The following SLAMF1 variants were observed in gnomAD, a reference collection of about 807,000 sequenced individuals.
SLAMF1 encodes the protein signaling lymphocytic activation molecule.
Under a neutral mutation model 35.1 loss-of-function variants are expected in SLAMF1, and 18 were observed. The ratio of observed to expected loss-of-function variants is 0.51; its 90% CI spans 0.35 to 0.76. SLAMF1 has a LOEUF of 0.76. SLAMF1 is among the 30% of genes least tolerant of loss of function. The probability of loss-of-function intolerance (pLI) is 0.01; values close to 1 mark genes in which losing one functional copy is unlikely to be tolerated. For missense variants in SLAMF1, 392 were observed against 413.0 expected (o/e 0.95, Z 0.44); for synonymous variants, 168 against 157.2 (o/e 1.07, Z -0.51).
chr1:160,611,052 G>C (rs1658956188), intron 6 of SLAMF1, among the ~76,000 whole-genome samples: 4 of 152,228 alleles, frequency 2.6e-5, no homozygotes, highest in African/African-American at 9.6e-5. Context: ...CCAGCACTCA[G>C]TGCCCTGTCT....
intron 1 of SLAMF1, among the ~76,000 whole-genome samples, chr1:160,644,895 C>A (rs1382892125): frequency 6.6e-6 from 1 of 152,020 alleles, no homozygotes; most frequent in Non-Finnish European, 1.5e-5. Context: ...TGCAGAGGAA[C>A]TGCATGGAGG....
At chr1:160,614,619 A>G (rs187508049) in intron 5 of SLAMF1, among the ~76,000 whole-genome samples, 88 of 151,862 alleles carry the variant, frequency 5.8e-4, no homozygotes, top group African/African-American at 2.0e-3. Context: ...AACAGATGCA[A>G]CCTCTGCTGG....
chr1:160,631,209 C>G (rs777437645), intron 3 of SLAMF1, among the ~76,000 whole-genome samples: 1 of 152,214 alleles, frequency 6.6e-6, no homozygotes, highest in Non-Finnish European at 1.5e-5. Flanking sequence ...GGTACTGATA[C>G]AATTCTGTTT....
chr1:160,638,964 C>T (rs1660602820), intron 1 of SLAMF1, among the ~76,000 whole-genome samples: 2 of 152,110 alleles, frequency 1.3e-5, no homozygotes, highest in South Asian at 2.1e-4. Context: ...CATTCTCATC[C>T]ACACTCATCC....
chr1:160,613,141 C>T (rs987655632), intron 5 of SLAMF1, among the ~76,000 whole-genome samples: 4 of 152,162 alleles, frequency 2.6e-5, no homozygotes, highest in African/African-American at 4.8e-5. Context: ...GTGTCAAAGC[C>T]GGGAGTCCCC....
In SLAMF1 at chr1:160,624,132, G is replaced by T; in HGVS notation, c.754C>A (p.Leu252Ile). The change falls in exon 4 of 7, where the codon CTC becomes ATC. Residue 252 changes from leucine (L) to isoleucine (I), a missense_variant. Physicochemically the swap from Leu to Ile is conservative, Grantham distance 5. Coordinates refer to ENST00000302035, the MANE Select transcript of SLAMF1 (RefSeq NM_003037.5). ...AACTGTAGTATTACCACCATGATGA[G>T]AATCATGATGACACCCCCTAACAGC... ...AGLLGGVIMI[L>I]IMVVILQLRR... 1 of 1,609,284 alleles carries T rather than the reference G, an allele frequency of 6.2e-7. No homozygotes were observed. The highest frequency in any genetic ancestry group is 8.5e-7 in the Non-Finnish European group (1 of 1,177,636).
intron 3 of SLAMF1, among the ~76,000 whole-genome samples, chr1:160,627,070 T>A (rs1253984509): frequency 6.6e-6 from 1 of 152,232 alleles, no homozygotes; most frequent in Non-Finnish European, 1.5e-5. Flanking sequence ...TTTTCAGTGA[T>A]GGTATTTGGA....
chr1:160,622,822 GC>G (rs1251933371), intron 4 of SLAMF1, among the ~76,000 whole-genome samples: 2 of 152,202 alleles, frequency 1.3e-5, no homozygotes, highest in African/African-American at 4.8e-5. Flanking sequence ...ACATGAAATT[GC>G]CAAAGAGTCA....
At position 160,611,455 on chromosome 1, in the gene SLAMF1, T is replaced by C. The variant is rs564952781; in HGVS notation, c.958-657A>G. On this transcript the variant is annotated intron_variant, in intron 6 of 6. Coordinates refer to ENST00000302035, the MANE Select transcript of SLAMF1 (RefSeq NM_003037.5). ...GTGAGAATGGACCTCAAGTTGAAGA[T>C]TGGTTTCATCTTGAAATATAGGGCA... Among the ~76,000 whole-genome samples the C allele has an allele frequency of 1.1e-4, 17 of 152,282 alleles. No homozygotes were observed. In the South Asian group the frequency reaches 3.1e-3, roughly 28 times the overall value.
intron 3 of SLAMF1, among the ~76,000 whole-genome samples, chr1:160,627,590 T>G (rs998303078): frequency 2.2e-4 from 33 of 152,226 alleles, no homozygotes; most frequent in Non-Finnish European, 4.6e-4. Flanking sequence ...GTTGCTATTC[T>G]TTAATTATAT....
At position 160,646,917 on chromosome 1, in the gene SLAMF1, G is replaced by T. The variant is rs146508660; in HGVS notation, c.29C>A (p.Thr10Asn). 8.1e-6 allele frequency: 13 copies of T among 1,606,338 alleles called. No homozygotes were observed. Among genetic ancestry groups the T allele is most frequent in the Non-Finnish European group, 1.0e-5 (12 of 1,173,492 alleles). MDPKGLLSL[T>N]FVLFLSLAFG... ...AGCCAGGGAGAGAAACAGCACGAAGGTCAAGGAGAGGAGCCCCTTGGGATC... is the reference window on the plus strand; with the variant it reads ...AGCCAGGGAGAGAAACAGCACGAAGTTCAAGGAGAGGAGCCCCTTGGGATC... The change falls in exon 1 of 7, where the codon ACC becomes AAC. Residue 10 changes from threonine (T) to asparagine (N), a missense_variant. By Grantham distance (65) the Thr-to-Asn change is moderately conservative. Coordinates refer to ENST00000302035, the MANE Select transcript of SLAMF1 (RefSeq NM_003037.5).
chr1:160,624,066 A>ACACCTCTG lies in SLAMF1; in HGVS notation c.790+29_790+30insCAGAGGTG. The stretch of plus-strand genomic sequence containing the variant: ...TCCCCTGCTTACCACAGAGAGTGTG[A>ACACCTCTG]TAAGAATCTATTTATTGCCAGACAC... On this transcript the variant is annotated intron_variant, in intron 4 of 6. Transcript: ENST00000302035. 4.2e-6 allele frequency: 6 copies of ACACCTCTG among 1,437,964 alleles called. No homozygotes were observed. In the East Asian group the frequency reaches 1.4e-4, roughly 33 times the overall value. 89.1% of individuals were successfully genotyped at this position (1,437,964 alleles called of 1,614,324 possible).
chr1:160,645,799 G>A (rs560538957), intron 1 of SLAMF1, among the ~76,000 whole-genome samples: 1 of 152,172 alleles, frequency 6.6e-6, no homozygotes, highest in African/African-American at 2.4e-5. Flanking sequence ...TCGTCTGGCT[G>A]TCTGGTAAAA....
chr1:160,638,179 T>C (rs989895341), intron 1 of SLAMF1, among the ~76,000 whole-genome samples: 11 of 152,130 alleles, frequency 7.2e-5, no homozygotes, highest in Non-Finnish European at 1.0e-4. Context: ...CCAAGAGCCT[T>C]TCAAACCACT....
chr1:160,623,966 T>C, intron 4 of SLAMF1, 130 bp downstream of exon 4: 2 of 660,428 alleles, frequency 3.0e-6, no homozygotes, highest in Non-Finnish European at 5.3e-6. Context: ...GATATGTTTA[T>C]CTACTATTTT....
chr1:160,631,590 G>A (rs912359338), intron 3 of SLAMF1, among the ~76,000 whole-genome samples: 4 of 152,136 alleles, frequency 2.6e-5, no homozygotes, highest in African/African-American at 7.2e-5. Flanking sequence ...GGTCATTAGG[G>A]TGGCCCCTAA....
At chr1:160,633,034 A>C (rs1298000882) in intron 3 of SLAMF1, among the ~76,000 whole-genome samples, 1 of 152,188 alleles carries the variant, frequency 6.6e-6, no homozygotes, top group Admixed American at 6.5e-5. Flanking sequence ...ATGACCCGCC[A>C]GTTGCTGTTA....
intron 4 of SLAMF1, among the ~76,000 whole-genome samples, chr1:160,620,258 G>T (rs1040856731): frequency 6.6e-6 from 1 of 152,140 alleles, no homozygotes; most frequent in Non-Finnish European, 1.5e-5. Context: ...TTTGAGGGCA[G>T]GGCTAGTTGT....
chr1:160,628,068 T>G (rs1659974486), intron 3 of SLAMF1, among the ~76,000 whole-genome samples: 1 of 152,192 alleles, frequency 6.6e-6, no homozygotes, highest in South Asian at 2.1e-4. Context: ...TTGTGAGGCC[T>G]CTCCAGCCAT....
Sources: gnomAD v4.1 joint callset for allele counts (sites outside exome capture counted in the v4.1 genomes callset) on GRCh38, gnomAD v4.1.1 for gene constraint, MANE v1.5 for transcripts, NCBI Gene and HGNC (gene_info 2026-07-23, HGNC 2026-07-21) for gene names.